Variants in MAP4K5 observed in about 807,000 individuals in gnomAD.
The protein encoded by MAP4K5 is mitogen-activated protein kinase kinase kinase kinase 5.
Under a neutral mutation model 135.6 loss-of-function variants are expected in MAP4K5, and 82 were observed. That is an observed-to-expected ratio of 0.60 (90% confidence interval 0.51 to 0.73). MAP4K5 has a LOEUF of 0.73. MAP4K5 is among the 30% of genes least tolerant of loss of function. The pLI is 0.00. For missense variants in MAP4K5, 907 were observed against 1,010.9 expected (o/e 0.90, Z 1.39); for synonymous variants, 347 against 335.0 (o/e 1.04, Z -0.39).
Position 50,423,159 on chromosome 14 carries a change from T to A in MAP4K5, c.2415A>T (p.Ser805=). 6.4e-7 allele frequency: 1 copy of A among 1,564,574 alleles called. No homozygotes were observed. Among genetic ancestry groups the A allele is most frequent in the African/African-American group, 1.3e-5 (1 of 74,078 alleles). The change falls in exon 32 of 33, where the codon TCA becomes TCT. Residue 805 remains serine (S), a synonymous_variant. Transcript: ENST00000682126. ...FKSDEVTQEI[S]DETRVFRLLG... is the part of the protein sequence containing the mutation. ...ATAAGCGGAAAACTCTTGTTTCATC[T>A]GAAATCTCCTGGGTAACCTAGGAAA...
intron 13 of MAP4K5, among the ~76,000 whole-genome samples, chr14:50,461,304 C>T (rs1182331294): frequency 6.6e-6 from 1 of 151,998 alleles, no homozygotes; most frequent in Non-Finnish European, 1.5e-5. Context: ...GCTGGGATTA[C>T]AGGTGTGAGC....
intron 6 of MAP4K5, among the ~76,000 whole-genome samples, chr14:50,481,242 G>A (rs919064354): frequency 3.3e-5 from 5 of 150,580 alleles, no homozygotes; most frequent in South Asian, 2.1e-4. Flanking sequence ...TTATGTAAAC[G>A]TTATAGGAAT....
At chr14:50,548,478 A>G (rs1033930744) in intron 1 of MAP4K5, among the ~76,000 whole-genome samples, 3 of 152,162 alleles carry the variant, frequency 2.0e-5, no homozygotes, top group African/African-American at 7.2e-5. Flanking sequence ...AAAGCAGCCA[A>G]TGGGAATGGT....
chr14:50,462,670 A>G lies in MAP4K5; in HGVS notation c.931T>C (p.Phe311Leu). ...GACTGCAAACACTTCCTTACCTCAA[A>G]GTCATCGTCATCTGCTTCAGTGTAA... ...AHYTEADDDD[F>L]EPHAIIRHTI... Residue 311 changes from phenylalanine (F) to leucine (L), a missense_variant, in exon 13 of 33, where the codon TTT becomes CTT. Phe to Leu is a conservative substitution (Grantham distance 22). Transcript: ENST00000682126. 3.1e-6 allele frequency: 5 copies of G among 1,598,252 alleles called. No homozygotes were observed. The highest frequency in any genetic ancestry group is 4.3e-6 in the Non-Finnish European group (5 of 1,171,916).
In MAP4K5 at chr14:50,509,164, T is replaced by C. The variant is rs548232886; in HGVS notation, c.109-4307A>G. ...ACCAAACACCACATATTCTCACTCATAGGTGGGAATTGAACAACAAGAACA... is the reference window on the plus strand; with the variant it reads ...ACCAAACACCACATATTCTCACTCACAGGTGGGAATTGAACAACAAGAACA... On this transcript the variant is annotated intron_variant, in intron 2 of 32. Transcript: ENST00000682126. Among the ~76,000 whole-genome samples, 23 of 146,478 alleles carry C rather than the reference T, an allele frequency of 1.6e-4. No individual in the cohort carries two copies. In the South Asian group the frequency reaches 4.7e-3, roughly 30 times the overall value.
intron 18 of MAP4K5, among the ~76,000 whole-genome samples, chr14:50,444,722 G>C (rs1037278298): frequency 6.6e-6 from 1 of 152,098 alleles, no homozygotes; most frequent in Non-Finnish European, 1.5e-5. Context: ...AATGTTATGT[G>C]TATGTGGGTA....
rs796881793 is a variant in MAP4K5 at position 50,451,905 on chromosome 14, T to C, written c.1016-3073A>G. Among the ~76,000 whole-genome samples, 14 of 152,284 alleles carry C rather than the reference T, an allele frequency of 9.2e-5. 1 individual carries two copies. Among genetic ancestry groups the C allele is most frequent in the African/African-American group, 3.1e-4 (13 of 41,558 alleles). On this transcript the variant is annotated intron_variant, in intron 14 of 32. Transcript: ENST00000682126. ...AGATTTGTAAGACAATATAGATGCT[T>C]CCTAACTGACAAAGGCTTGACTTAC...
intron 2 of MAP4K5, among the ~76,000 whole-genome samples, chr14:50,522,883 CTT>C (rs1010392787): frequency 2.6e-5 from 4 of 152,134 alleles, no homozygotes; most frequent in African/African-American, 9.7e-5. Context: ...GGACTAGACT[CTT>C]AATATTTAAA....
chr14:50,466,338 T>A (rs974530171), intron 11 of MAP4K5, among the ~76,000 whole-genome samples: 25 of 133,234 alleles, frequency 1.9e-4, no homozygotes, highest in Non-Finnish European at 3.3e-4. Flanking sequence ...GTTATGATCA[T>A]GACACTGCAC....
At chr14:50,438,136 T>C (rs545745252) in intron 23 of MAP4K5, 42 bp from the exon 24 acceptor site, 22 of 720,730 alleles carry the variant, frequency 3.1e-5, no homozygotes, top group African/African-American at 7.1e-5. Flanking sequence ...CCAAGCAAAA[T>C]AGAAAAACAC....
chr14:50,466,533 T>C lies in MAP4K5; in HGVS notation c.737+50A>G, dbSNP rs563484191. On this transcript the variant is annotated intron_variant, in intron 11 of 32. Coordinates refer to ENST00000682126, the MANE Select transcript of MAP4K5 (RefSeq NM_006575.6). ...CTGCAAAATATGGGAACTGAATCTATACTCCTTTCGATTGTAAAATTCTAT... is the reference window on the plus strand; with the variant it reads ...CTGCAAAATATGGGAACTGAATCTACACTCCTTTCGATTGTAAAATTCTAT... 165 of 908,778 alleles carry C rather than the reference T, an allele frequency of 1.8e-4. No homozygotes were observed. In the South Asian group the frequency reaches 2.3e-3, roughly 13 times the overall value. 56.3% of individuals were successfully genotyped at this position (908,778 alleles called of 1,614,324 possible).
chr14:50,504,700 G>C, intron 3 of MAP4K5, 100 bp downstream of exon 3: 1 of 815,596 alleles, frequency 1.2e-6, no homozygotes, highest in Non-Finnish European at 1.9e-6. Context: ...ATATTCTACT[G>C]ACCTGATAGA....
rs186730174 is a variant in MAP4K5 at position 50,500,901 on chromosome 14, T to C, written c.166+3899A>G. On this transcript the variant is annotated intron_variant, in intron 3 of 32. Transcript: ENST00000682126. ...AGGTTTGAGAAGAATAATCAATTTA[T>C]GGATTTAAATTATAATATTCCTAAT... Among the ~76,000 whole-genome samples, 552 of 152,304 alleles carry C rather than the reference T, an allele frequency of 3.6e-3. 5 individuals are homozygous for C. Among genetic ancestry groups the C allele is most frequent in the Admixed American group, 8.0e-3 (122 of 15,286 alleles).
At chr14:50,423,603 A>C (rs1337428702) in intron 31 of MAP4K5, among the ~76,000 whole-genome samples, 1 of 151,938 alleles carries the variant, frequency 6.6e-6, no homozygotes, top group Non-Finnish European at 1.5e-5. Flanking sequence ...CTGTATCTAC[A>C]GAAGTATTTA....
intron 13 of MAP4K5, among the ~76,000 whole-genome samples, chr14:50,459,635 T>C (rs2036665331): frequency 6.6e-6 from 1 of 152,112 alleles, no homozygotes; most frequent in Non-Finnish European, 1.5e-5. Flanking sequence ...TCTGTATCGT[T>C]ATCTTCTACC....
chr14:50,522,319 C>T (rs1473570817), intron 2 of MAP4K5, among the ~76,000 whole-genome samples: 2 of 152,012 alleles, frequency 1.3e-5, no homozygotes, highest in Non-Finnish European at 2.9e-5. Flanking sequence ...TCTATCTTCA[C>T]CAAGTTGAAA....
rs148094033 is a variant in MAP4K5, at chr14:50,491,704, G to A, written c.167-5510C>T. ...TGAACTTTCTTTTTTTTTTTTTTTC[G>A]AGACAGGGTTTCACTGTATTGCCCA... On this transcript the variant is annotated intron_variant, in intron 3 of 32. Transcript: ENST00000682126. Among the ~76,000 whole-genome samples, 1,106 of 135,476 alleles carry A rather than the reference G, an allele frequency of 8.2e-3. 20 individuals carry two copies. Among genetic ancestry groups the A allele is most frequent in the African/African-American group, 0.028 (1,010 of 36,110 alleles). The allele number at this position is 135,476 out of a possible 152,430, so 88.9% of individuals were successfully genotyped here. A position where few individuals can be genotyped will look rare whatever the true frequency, so the allele number is the denominator to read the frequency against.
intron 2 of MAP4K5, among the ~76,000 whole-genome samples, chr14:50,515,212 ATTCTTTT>A (rs772849552): frequency 1.3e-5 from 2 of 152,048 alleles, no homozygotes; most frequent in African/African-American, 2.4e-5. Context: ...AGTCATCCTT[ATTCTTTT>A]AAGATTTTAT....
intron 2 of MAP4K5, among the ~76,000 whole-genome samples, chr14:50,542,188 G>T (rs2038572631): frequency 6.6e-6 from 1 of 150,496 alleles, no homozygotes; most frequent in South Asian, 2.1e-4. Context: ...TAGAAATTGG[G>T]AGTTACCCTG....
Sources: gnomAD v4.1 joint callset for allele counts (sites outside exome capture counted in the v4.1 genomes callset) on GRCh38, gnomAD v4.1.1 for gene constraint, MANE v1.5 for transcripts, NCBI Gene and HGNC (gene_info 2026-07-23, HGNC 2026-07-21) for gene names.